EYS: variants seen among roughly 807,000 people sequenced by gnomAD.
EYS encodes EGF-like photoreceptor maintenance factor, also known as protein eyes shut homolog.
A neutral mutation model predicts 282.1 loss-of-function variants in EYS; 250 were observed. The ratio of observed to expected loss-of-function variants is 0.89; its 90% CI spans 0.80 to 0.98. The LOEUF (loss-of-function observed/expected upper bound fraction) is 0.98, where lower values mean the gene tolerates loss of function less well. Ranked by LOEUF, EYS falls within the 50% of genes least tolerant of loss-of-function variation. The probability of loss-of-function intolerance (pLI) is 0.00; values close to 1 mark genes in which losing one functional copy is unlikely to be tolerated. For missense variants in EYS, 4,016 were observed against 3,709.0 expected (o/e 1.08, Z -2.15); for synonymous variants, 1,355 against 1,282.9 (o/e 1.06, Z -1.20).
At chr6:65,171,607 G>T (rs980709615) in intron 12 of EYS, among the ~76,000 whole-genome samples, 3 of 151,124 alleles carry the variant, frequency 2.0e-5, no homozygotes, top group Admixed American at 6.6e-5. Context: ...GTGCTAAAAT[G>T]GAACTGGTGA....
rs1444228413 is a variant in EYS at position 65,417,547 on chromosome 6, C to A, written c.863-12180G>T. ...CTGCAATTTTTTTTCTCTAAAGAAGCAGATAGTAATTATTTTGGGCTTTGT... is the reference window on the plus strand; with the variant it reads ...CTGCAATTTTTTTTCTCTAAAGAAGAAGATAGTAATTATTTTGGGCTTTGT... On this transcript the variant is annotated intron_variant, in intron 5 of 42. Transcript: ENST00000503581. Among the ~76,000 whole-genome samples, 4 of 151,938 alleles carry A rather than the reference C, an allele frequency of 2.6e-5. 1 individual carries two copies. The highest frequency in any genetic ancestry group is 2.6e-4 in the Admixed American group (4 of 15,194).
intron 28 of EYS, among the ~76,000 whole-genome samples, chr6:64,393,634 AAAT>A (rs1350318957): frequency 1.3e-5 from 2 of 152,016 alleles, no homozygotes; most frequent in East Asian, 3.9e-4. Context: ...TCGTATTTCA[AAAT>A]AATAAGAGCT....
In EYS at chr6:65,109,657, T is replaced by TAAA. The variant is rs111607590; in HGVS notation, c.2024-51933_2024-51931dup. On this transcript the variant is annotated intron_variant, in intron 12 of 42. Coordinates refer to ENST00000503581, the MANE Select transcript of EYS (RefSeq NM_001142800.2). ...TACTTCACTTTTACAACTCCTTACATAAAAAAAAAAAAAACACCTTTTTTT... is the reference window on the plus strand; with the variant it reads ...TACTTCACTTTTACAACTCCTTACATAAAAAAAAAAAAAAAAACACCTTTTTTT... Among the ~76,000 whole-genome samples, 825 of 136,320 alleles carry TAAA rather than the reference T, an allele frequency of 6.1e-3. 6 individuals are homozygous for TAAA. Among genetic ancestry groups the TAAA allele is most frequent in the South Asian group, 0.018 (73 of 4,130 alleles). The allele number at this position is 136,320 out of a possible 152,430, so 89.4% of individuals were successfully genotyped here.
chr6:64,795,604 T>C (rs570749802), intron 22 of EYS, among the ~76,000 whole-genome samples: 2 of 152,318 alleles, frequency 1.3e-5, no homozygotes, highest in South Asian at 2.1e-4. Flanking sequence ...TCAAACTTTA[T>C]GGCATTTCAC....
intron 31 of EYS, among the ~76,000 whole-genome samples, chr6:64,124,883 A>G (rs537309894): frequency 1.3e-5 from 2 of 152,316 alleles, no homozygotes; most frequent in African/African-American, 4.8e-5. Flanking sequence ...AGAGCGATAA[A>G]GCTGATTTAA....
At chr6:64,561,691 GA>G (rs1364672846) in intron 26 of EYS, among the ~76,000 whole-genome samples, 2 of 151,714 alleles carry the variant, frequency 1.3e-5, no homozygotes, top group African/African-American at 4.8e-5. Context: ...GACACAAATG[GA>G]AAAACCTCCC....
chr6:65,347,089 C>T (rs938643729), intron 9 of EYS, among the ~76,000 whole-genome samples: 20 of 151,704 alleles, frequency 1.3e-4, no homozygotes, highest in Admixed American at 1.3e-4. Flanking sequence ...GTAATATTGA[C>T]GGATATTGCA....
At chr6:63,845,445 T>C (rs1772073738) in intron 36 of EYS, among the ~76,000 whole-genome samples, 1 of 152,000 alleles carries the variant, frequency 6.6e-6, no homozygotes, top group Non-Finnish European at 1.5e-5. Context: ...TAAAGAGTGA[T>C]GTTCATTAAT....
At chr6:63,920,157 C>CTTT (rs56324680) in intron 35 of EYS, among the ~76,000 whole-genome samples, 2 of 148,574 alleles carry the variant, frequency 1.3e-5, no homozygotes, top group South Asian at 2.1e-4. Context: ...ATTCCAAAGC[C>CTTT]TTTTTTTTTT....
chr6:64,550,700 A>T (rs1409257570), intron 26 of EYS, among the ~76,000 whole-genome samples: 1 of 152,144 alleles, frequency 6.6e-6, no homozygotes, highest in Non-Finnish European at 1.5e-5. Flanking sequence ...ATGATTGTAT[A>T]TCTAGAAAAC....
chr6:65,513,037 C>T (rs565420700), intron 2 of EYS, among the ~76,000 whole-genome samples: 19 of 151,992 alleles, frequency 1.3e-4, no homozygotes, highest in East Asian at 5.8e-4. Flanking sequence ...ATTGATAGAC[C>T]GCTAGCAAGA....
At chr6:64,692,571 A>G (rs1250849280) in intron 22 of EYS, among the ~76,000 whole-genome samples, 1 of 152,150 alleles carries the variant, frequency 6.6e-6, no homozygotes, top group Non-Finnish European at 1.5e-5. Context: ...AGTACTTTCT[A>G]GGTTGTCTTC....
At chr6:64,622,966 T>G (rs1767495995) in intron 23 of EYS, among the ~76,000 whole-genome samples, 1 of 152,052 alleles carries the variant, frequency 6.6e-6, no homozygotes, top group Non-Finnish European at 1.5e-5. Context: ...CTCAGAAGAG[T>G]GAAAAGTTTT....
intron 13 of EYS, among the ~76,000 whole-genome samples, chr6:65,029,151 T>C (rs1211768778): frequency 2.0e-5 from 3 of 152,154 alleles, no homozygotes; most frequent in South Asian, 4.1e-4. Flanking sequence ...ATATTTAAGG[T>C]TTCTCTTTTA....
At chr6:65,351,062 T>C (rs1254033210) in intron 9 of EYS, among the ~76,000 whole-genome samples, 1 of 151,786 alleles carries the variant, frequency 6.6e-6, no homozygotes, top group East Asian at 1.9e-4. Flanking sequence ...AATTTTGCAA[T>C]ACATAAAATG....
chr6:64,584,942 ATAC>A (rs1470625879), intron 26 of EYS, among the ~76,000 whole-genome samples: 1 of 152,122 alleles, frequency 6.6e-6, no homozygotes, highest in African/African-American at 2.4e-5. Context: ...GATTAAATAA[ATAC>A]TATTATTTGA....
rs575830525 is a variant in EYS at position 64,492,751 on chromosome 6, A to G, written c.5645-53399T>C. ...GGGAATCCATCAGGTGGTTAAAGTG[A>G]TGATAGACATGAGGAAGTAATGTAG... On this transcript the variant is annotated intron_variant, in intron 26 of 42. Coordinates refer to ENST00000503581, the MANE Select transcript of EYS (RefSeq NM_001142800.2). 4.6e-5 allele frequency among the ~76,000 whole-genome samples: 7 copies of G among 151,480 alleles called. No individual in the cohort carries two copies. The East Asian group carries it at 1.4e-3, about 29-fold the overall frequency.
intron 2 of EYS, among the ~76,000 whole-genome samples, chr6:65,505,033 C>G (rs1158274696): frequency 2.0e-5 from 3 of 151,798 alleles, no homozygotes; most frequent in African/African-American, 7.2e-5. Flanking sequence ...GTGAATTAAT[C>G]TGAGGTGACT....
At chr6:63,839,900 AT>A (rs1336672731) in intron 36 of EYS, among the ~76,000 whole-genome samples, 21 of 152,294 alleles carry the variant, frequency 1.4e-4, no homozygotes, top group Non-Finnish European at 2.4e-4. Context: ...GATAATAACC[AT>A]TTTAACTGGG....
Sources: allele counts gnomAD v4.1 joint callset (sites outside exome capture counted in the v4.1 genomes callset), GRCh38; gene constraint gnomAD v4.1.1; transcripts MANE v1.5; gene names NCBI Gene and HGNC (gene_info 2026-07-23, HGNC 2026-07-21).